Variants in PFKFB1 observed in about 807,000 individuals in gnomAD.
PFKFB1 encodes 6-phosphofructo-2-kinase/fructose-2,6-biphosphatase 1.
PFKFB1 carries 34 observed loss-of-function variants against 46.4 expected under a neutral mutation model. The observed-to-expected ratio is 0.73, with a 90% CI of 0.56 to 0.98. The LOEUF (loss-of-function observed/expected upper bound fraction) is 0.98, where lower values mean the gene tolerates loss of function less well. Among genes scored for constraint, PFKFB1 ranks in the 50% least tolerant of loss-of-function variants. The probability of loss-of-function intolerance (pLI) is 0.00; values close to 1 mark genes in which losing one functional copy is unlikely to be tolerated. For synonymous variants in PFKFB1, 119 were observed against 133.8 expected, an observed-to-expected ratio of 0.89 and a Z score of 0.76; for missense variants, 393 against 376.3, an observed-to-expected ratio of 1.04 and a Z score of -0.37.
chrX:54,977,568 T>TGTTTATTTTTAA (rs1183103044), intron 1 of PFKFB1, among the ~76,000 whole-genome samples: 7 of 111,508 alleles, frequency 6.3e-5, no homozygotes, highest in Admixed American at 9.6e-5. Context: ...TATTAACTCA[T>TGTTTATTTTTAA]GTTTATTTTT....
chrX:54,939,122 A>G (rs1933516269), intron 10 of PFKFB1, among the ~76,000 whole-genome samples: 1 of 112,146 alleles, frequency 8.9e-6, no homozygotes, highest in African/African-American at 3.2e-5. Context: ...TGGAAACTGA[A>G]CAACCTGCTC....
Position 54,937,631 on chromosome X carries a change from G to A in PFKFB1, c.1192C>T (p.Arg398Trp), listed in dbSNP as rs140853589. ...VLVICHQAVM[R>W]CLLAYFLDKS... ...TCCAGGAAATAGGCCAGGAGGCACC[G>A]CATGACAGCCTGGTGGCAGATCACC... The change falls in exon 11 of 14, where the codon CGG becomes TGG. Residue 398 changes from arginine (R) to tryptophan (W), a missense_variant. Transcript: ENST00000375006. The A allele has an allele frequency of 1.5e-4, 180 of 1,206,905 alleles. 1 individual carries two copies. Among genetic ancestry groups the A allele is most frequent in the Middle Eastern group, 2.3e-4 (1 of 4,365 alleles).
At chrX:54,979,755 C>T (rs944347073) in intron 1 of PFKFB1, among the ~76,000 whole-genome samples, 1 of 111,920 alleles carries the variant, frequency 8.9e-6, no homozygotes, top group Non-Finnish European at 1.9e-5. Context: ...TAGTCACCTA[C>T]TTTTGAGTGT....
rs1302348868 is a variant in PFKFB1 at position 54,956,190 on chromosome X, C to T, written c.601G>A (p.Glu201Lys). Reference sequence around the variant, plus strand: ...TCATCCAAGGGTTGGTAGTTGACCTCATAGCACTCAATTCTCTTTAGAAAG... The same window carrying T: ...TCATCCAAGGGTTGGTAGTTGACCTTATAGCACTCAATTCTCTTTAGAAAG... ...EDFLKRIECY[E>K]VNYQPLDEEL... is the part of the protein sequence containing the mutation. Residue 201 changes from glutamate (E) to lysine (K), a missense_variant, in exon 7 of 14, where the codon GAG becomes AAG. Transcript: ENST00000375006. The T allele has an allele frequency of 1.1e-5, 13 of 1,208,969 alleles. No individual in the cohort carries two copies. Among genetic ancestry groups the T allele is most frequent in the Admixed American group, 6.6e-5 (3 of 45,797 alleles).
intron 1 of PFKFB1, among the ~76,000 whole-genome samples, chrX:54,969,300 C>G (rs1280699777): frequency 9.0e-6 from 1 of 111,446 alleles, no homozygotes; most frequent in East Asian, 2.8e-4. Context: ...ACTCAGAAAA[C>G]AGTTCCTGAT....
chrX:54,956,132 C>T (rs1193982012), intron 7 of PFKFB1, 21 bp downstream of exon 7: 2 of 1,104,705 alleles, frequency 1.8e-6, no homozygotes. Context: ...TAGACCTTGA[C>T]TTTGGGGTGC....
At chrX:54,993,380 G>A (rs1935293636) in intron 1 of PFKFB1, among the ~76,000 whole-genome samples, 1 of 111,519 alleles carries the variant, frequency 9.0e-6, no homozygotes, top group Non-Finnish European at 1.9e-5. Flanking sequence ...CCCAACCTAG[G>A]CAGGTATAGA....
chrX:54,994,251 T>C, upstream of PFKFB1: 1 of 752,834 alleles, frequency 1.3e-6, no homozygotes. Flanking sequence ...GGGCGAGAGG[T>C]TGGGCAGAGG....
chrX:54,961,627 TGGGGCCTTTAAGGCACTCACA>T (rs748814824), intron 2 of PFKFB1, among the ~76,000 whole-genome samples: 4 of 112,013 alleles, frequency 3.6e-5, no homozygotes, highest in Non-Finnish European at 7.5e-5. Flanking sequence ...ATCTTCATGA[TGGGGCCTTTAAGGCACTCACA>T]GTCCAACAGG....
chrX:54,974,604 G>A (rs1388295641), intron 1 of PFKFB1, among the ~76,000 whole-genome samples: 2 of 111,484 alleles, frequency 1.8e-5, no homozygotes, highest in Non-Finnish European at 3.8e-5. Context: ...TAAATAAATG[G>A]GACATAATTA....
chrX:54,958,380 A>G lies in PFKFB1; in HGVS notation c.460-18T>C. ...AAAAACACCTATAAAAGAAACAGAA[A>G]AGAGATTTCCAGCAGGAAATTATGT... On this transcript the variant is annotated intron_variant, in intron 5 of 13. Transcript: ENST00000375006. The G allele has an allele frequency of 9.3e-7, 1 of 1,073,738 alleles. No homozygotes were observed. Among genetic ancestry groups the G allele is most frequent in the Non-Finnish European group, 1.3e-6 (1 of 772,536 alleles). The allele number at this position is 1,073,738 out of a possible 1,213,427, so 88.5% of individuals were successfully genotyped here.
intron 1 of PFKFB1, among the ~76,000 whole-genome samples, chrX:54,975,461 T>C (rs1321889482): frequency 9.1e-6 from 1 of 110,330 alleles, no homozygotes; most frequent in Non-Finnish European, 1.9e-5. Flanking sequence ...AATGATATAA[T>C]GGACTCTGGG....
At chrX:54,993,863 C>A in intron 1 of PFKFB1, 48 bp downstream of exon 1, 1 of 1,168,826 alleles carries the variant, frequency 8.6e-7, no homozygotes, top group East Asian at 3.1e-5. Context: ...CTTCTACACC[C>A]ACTCTACCAC....
At chrX:54,942,769 G>A (rs1334054820) in intron 10 of PFKFB1, among the ~76,000 whole-genome samples, 1 of 112,054 alleles carries the variant, frequency 8.9e-6, no homozygotes, top group African/African-American at 3.2e-5. Flanking sequence ...AATAAAAAAT[G>A]TAAGGAAGAA....
chrX:54,954,086 A>T (rs186378793), intron 7 of PFKFB1, among the ~76,000 whole-genome samples: 188 of 112,009 alleles, frequency 1.7e-3, no homozygotes, highest in African/African-American at 5.3e-3. Context: ...AAAATTTTTT[A>T]AAAAATTTTT....
intron 12 of PFKFB1, 83 bp from the exon 13 acceptor site, chrX:54,933,968 C>T: frequency 1.5e-6 from 1 of 681,387 alleles, no homozygotes; most frequent in Non-Finnish European, 2.3e-6. Context: ...CCTCCCCCAT[C>T]ACCAGCCACA....
At chrX:54,959,234 C>T (rs1569546934) in intron 4 of PFKFB1, among the ~76,000 whole-genome samples, 1 of 110,538 alleles carries the variant, frequency 9.0e-6, no homozygotes, top group Non-Finnish European at 1.9e-5. Context: ...TGACCAAAGT[C>T]ACCGAGAGTT....
At chrX:54,983,653 G>C (rs1356520430) in intron 1 of PFKFB1, among the ~76,000 whole-genome samples, 2 of 111,957 alleles carry the variant, frequency 1.8e-5, no homozygotes, top group East Asian at 5.7e-4. Context: ...CTTTATAATA[G>C]AACGATTTAT....
chrX:54,997,384 T>C (rs1935373402), upstream of PFKFB1, among the ~76,000 whole-genome samples: 1 of 111,704 alleles, frequency 9.0e-6, no homozygotes, highest in Non-Finnish European at 1.9e-5. Flanking sequence ...AGCTCTGACC[T>C]GCAGCTCTTG....
Sources: gnomAD v4.1 joint callset for allele counts (sites outside exome capture counted in the v4.1 genomes callset) on GRCh38, gnomAD v4.1.1 for gene constraint, MANE v1.5 for transcripts, NCBI Gene and HGNC (gene_info 2026-07-23, HGNC 2026-07-21) for gene names.